BCL2L14: variants seen among roughly 807,000 people sequenced by gnomAD.
The protein encoded by BCL2L14 is apoptosis facilitator Bcl-2-like protein 14.
Under a neutral mutation model 35.3 loss-of-function variants are expected in BCL2L14, and 27 were observed. The ratio of observed to expected loss-of-function variants is 0.76; its 90% CI spans 0.56 to 1.05. BCL2L14 has a LOEUF of 1.05. BCL2L14 is among the 50% of genes least tolerant of loss of function. The pLI is 0.00. For missense variants in BCL2L14, 377 were observed against 382.6 expected (o/e 0.99, Z 0.12); for synonymous variants, 139 against 145.9 (o/e 0.95, Z 0.34).
At chr12:12,061,275 C>T (rs1468277267) in intron 2 of BCL2L14, among the ~76,000 whole-genome samples, 1 of 151,800 alleles carries the variant, frequency 6.6e-6, no homozygotes, top group African/African-American at 2.4e-5. Context: ...CCACCTTAAC[C>T]CACAAGTATA....
At chr12:12,055,686 G>C (rs1181757512) in intron 2 of BCL2L14, 2 of 152,174 alleles carry the variant, frequency 1.3e-5, no homozygotes, top group African/African-American at 4.8e-5. Flanking sequence ...TTCTCTGGTA[G>C]AGAATACAGA....
intron 1 of BCL2L14, chr12:12,071,955 G>C (rs1236331427): frequency 6.5e-6 from 1 of 152,718 alleles, no homozygotes; most frequent in East Asian, 1.9e-4. Context: ...GAACCAAGCT[G>C]AGCTTAGGAT....
intron 2 of BCL2L14, among the ~76,000 whole-genome samples, chr12:12,058,138 G>A (rs968017026): frequency 2.6e-5 from 4 of 151,974 alleles, no homozygotes; most frequent in Non-Finnish European, 4.4e-5. Context: ...TTTTAGTAGC[G>A]ACGAGGTTTC....
intron 4 of BCL2L14, 97 bp from the exon 5 acceptor site, chr12:12,094,567 G>A: frequency 3.1e-6 from 5 of 1,614,216 alleles, no homozygotes; most frequent in Non-Finnish European, 4.2e-6. Flanking sequence ...GTTTTCCACA[G>A]GATGGTTTGA....
intron 3 of BCL2L14, among the ~76,000 whole-genome samples, chr12:12,088,911 C>T (rs1041328865): frequency 2.6e-5 from 4 of 152,140 alleles, no homozygotes; most frequent in African/African-American, 9.7e-5. Flanking sequence ...CATTTTATTA[C>T]TATCCCACAT....
At chr12:12,054,935 G>T (rs1376077877) in intron 2 of BCL2L14, 1 of 129,104 alleles carries the variant, frequency 7.7e-6, no homozygotes, top group Non-Finnish European at 1.6e-5. Flanking sequence ...GCGACAGAGC[G>T]AGACTCCATC....
chr12:12,094,582 C>G (rs753403340), intron 4 of BCL2L14, 82 bp from the exon 5 acceptor site: 1 of 1,614,228 alleles, frequency 6.2e-7, no homozygotes, highest in East Asian at 2.2e-5. Flanking sequence ...GTTTGATGGC[C>G]TGCATTTGAG....
intron 2 of BCL2L14, among the ~76,000 whole-genome samples, chr12:12,084,238 C>T (rs1033152181): frequency 2.6e-5 from 4 of 152,152 alleles, no homozygotes; most frequent in Admixed American, 6.5e-5. Context: ...GGATTACGGG[C>T]GTGAGCCACC....
intron 1 of BCL2L14, among the ~76,000 whole-genome samples, chr12:12,074,995 A>G (rs988164935): frequency 6.6e-6 from 1 of 151,830 alleles, no homozygotes; most frequent in Non-Finnish European, 1.5e-5. Flanking sequence ...TACTGTGTTT[A>G]GTTCTCTATC....
intron 2 of BCL2L14, among the ~76,000 whole-genome samples, chr12:12,081,741 T>C (rs968163998): frequency 6.6e-6 from 1 of 152,008 alleles, no homozygotes; most frequent in Admixed American, 6.6e-5. Flanking sequence ...GTATTTTTAG[T>C]AGAGACAGCG....
At chr12:12,074,481 T>A (rs1948737571) in intron 1 of BCL2L14, among the ~76,000 whole-genome samples, 1 of 152,190 alleles carries the variant, frequency 6.6e-6, no homozygotes, top group South Asian at 2.1e-4. Flanking sequence ...AGTCTGACTC[T>A]ATTACTCAGT....
intron 2 of BCL2L14, among the ~76,000 whole-genome samples, chr12:12,059,210 C>T (rs148106002): frequency 0.01 from 1,536 of 152,260 alleles, 28 homozygotes; most frequent in African/African-American, 0.036. Flanking sequence ...GGGACGCCTG[C>T]CTTGGTCCTT....
At chr12:12,072,430 C>T (rs1948687576) in intron 1 of BCL2L14, 1 of 152,342 alleles carries the variant, frequency 6.6e-6, no homozygotes, top group Non-Finnish European at 1.5e-5. Context: ...CCCCGGCCAC[C>T]TCGGGGAGGG....
intron 1 of BCL2L14, among the ~76,000 whole-genome samples, chr12:12,076,598 G>T (rs1374239234): frequency 6.6e-6 from 1 of 152,096 alleles, no homozygotes; most frequent in Admixed American, 6.5e-5. Flanking sequence ...TTGCTGCACT[G>T]GGAGGGCCAT....
intron 1 of BCL2L14, among the ~76,000 whole-genome samples, chr12:12,075,098 T>A (rs1056630957): frequency 5.9e-5 from 9 of 152,212 alleles, no homozygotes; most frequent in Non-Finnish European, 8.8e-5. Flanking sequence ...TCTTTTTTTT[T>A]AATATGTTTC....
chr12:12,095,351 T>C, intron 5 of BCL2L14: 1 of 985,412 alleles, frequency 1.0e-6, no homozygotes, highest in Non-Finnish European at 1.2e-6. Flanking sequence ...ATGCAGAGAC[T>C]CAGGGTTCAT....
chr12:12,065,535 C>CAAAAA (rs138173926), intron 2 of BCL2L14, among the ~76,000 whole-genome samples: 1 of 126,738 alleles, frequency 7.9e-6, no homozygotes. Context: ...GACTCCATCT[C>CAAAAA]AAAAAAAAAA....
At chr12:12,098,838 G>A in intron 5 of BCL2L14, 112 bp from the exon 6 acceptor site, 1 of 772,732 alleles carries the variant, frequency 1.3e-6, no homozygotes, top group Non-Finnish European at 2.3e-6. Context: ...AAACTAACAT[G>A]GTCTCCTGAG....
chr12:12,079,084 C>T lies in BCL2L14; in HGVS notation c.-7-215C>T, dbSNP rs143350514. 7.0e-4 allele frequency among the ~76,000 whole-genome samples: 107 copies of T among 152,326 alleles called. 1 individual carries two copies. Among genetic ancestry groups the T allele is most frequent in the Non-Finnish European group, 1.1e-3 (72 of 68,034 alleles). ...TTTTGGGATTACAGGCGTGAGCCAC[C>T]GCACCCGGCAGTTCATTTTCTTTAT... On this transcript the variant is annotated intron_variant, in intron 1 of 5. Coordinates refer to ENST00000308721, the MANE Select transcript of BCL2L14 (RefSeq NM_138723.2).
Sources: allele counts gnomAD v4.1 joint callset (sites outside exome capture counted in the v4.1 genomes callset), GRCh38; gene constraint gnomAD v4.1.1; transcripts MANE v1.5; gene names NCBI Gene and HGNC (gene_info 2026-07-23, HGNC 2026-07-21).